BICD1: variants seen among roughly 807,000 people sequenced by gnomAD.
BICD1 encodes the protein protein bicaudal D homolog 1.
BICD1 carries 35 observed loss-of-function variants against 92.5 expected under a neutral mutation model. The ratio of observed to expected loss-of-function variants is 0.38; its 90% CI spans 0.29 to 0.50. BICD1 has a LOEUF of 0.50. Ranked by LOEUF, BICD1 falls within the 20% of genes least tolerant of loss-of-function variation. The pLI, the probability that BICD1 is intolerant of heterozygous loss-of-function variation, is 0.93. For missense variants in BICD1, 950 were observed against 1,189.8 expected (o/e 0.80, Z 2.97); for synonymous variants, 429 against 465.1 (o/e 0.92, Z 1.00).
intron 1 of BICD1, among the ~76,000 whole-genome samples, chr12:32,139,440 A>C (rs568668909): frequency 8.5e-5 from 13 of 152,168 alleles, no homozygotes; most frequent in Non-Finnish European, 1.9e-4. Flanking sequence ...CCATGTCCCT[A>C]AACTAGATAA....
At chr12:32,323,481 G>T (rs1948704723) in intron 4 of BICD1, among the ~76,000 whole-genome samples, 1 of 152,188 alleles carries the variant, frequency 6.6e-6, no homozygotes, top group Non-Finnish European at 1.5e-5. Flanking sequence ...CTTTCTCAGA[G>T]TCACATAGCT....
At chr12:32,224,587 A>G (rs983589265) in intron 2 of BICD1, among the ~76,000 whole-genome samples, 1 of 152,260 alleles carries the variant, frequency 6.6e-6, no homozygotes, top group African/African-American at 2.4e-5. Flanking sequence ...TCATTTTTGA[A>G]TAATTGTGAT....
chr12:32,142,571 T>C (rs1251513293), intron 1 of BICD1, among the ~76,000 whole-genome samples: 1 of 152,070 alleles, frequency 6.6e-6, no homozygotes, highest in African/African-American at 2.4e-5. Context: ...AGCATGATTG[T>C]TTTTCTATAA....
Position 32,328,217 on chromosome 12 carries a change from G to A in BICD1, c.1762G>A (p.Ala588Thr). ...ACCAGTTGCAAAAGAAAGCACAGAG[G>A]CCAGCAAAGAACCAAGTCCAACTAA... ...SEPVAKESTE[A>T]SKEPSPTKTP... The change falls in exon 5 of 10, where the codon GCC (alanine) becomes ACC (threonine). Residue 588 changes from alanine to threonine, a missense_variant. Ala to Thr is a moderately conservative substitution (Grantham distance 58, BLOSUM62 0). This residue lies in a region of BICD1 where 309 missense variants were observed against 499.4 expected (regional missense o/e 0.62). Coordinates refer to ENST00000652176, the MANE Select transcript of BICD1 (RefSeq NM_001714.4). This position sits in a 1 kb window ranked among gnomAD's most constrained non-coding sequence, Gnocchi z 4.4. 1 of 1,614,110 alleles carries A rather than the reference G, an allele frequency of 6.2e-7. No homozygotes were observed. Among genetic ancestry groups the A allele is most frequent in the South Asian group, 1.1e-5 (1 of 91,076 alleles).
intron 2 of BICD1, among the ~76,000 whole-genome samples, chr12:32,276,205 C>T (rs1947272482): frequency 6.6e-6 from 1 of 152,148 alleles, no homozygotes; most frequent in South Asian, 2.1e-4. Context: ...GCCCATGCTC[C>T]AATGTTAATG....
In BICD1 at chr12:32,337,622, G is replaced by A. The variant is rs1416989142; in HGVS notation, c.2376G>A (p.Gln792=). The change falls in exon 7 of 10, where the codon CAG becomes CAA. Residue 792 remains glutamine, a synonymous_variant. Coordinates refer to ENST00000652176, the MANE Select transcript of BICD1 (RefSeq NM_001714.4). This position sits in a 1 kb window ranked among gnomAD's most constrained non-coding sequence, Gnocchi z 4.7. ...MAIQQKLALT[Q]RLEDLEFDHE... ...TCCAGCAAAAACTCGCCCTGACCCA[G>A]AGGCTGGAGGACTTAGAGTTTGACC... is the stretch of plus-strand genomic sequence containing the variant. 6.2e-7 allele frequency: 1 copy of A among 1,614,186 alleles called. No individual in the cohort carries two copies. The highest frequency in any genetic ancestry group is 1.1e-5 in the South Asian group (1 of 91,084).
At chr12:32,145,364 G>A (rs1005974014) in intron 1 of BICD1, among the ~76,000 whole-genome samples, 5 of 152,196 alleles carry the variant, frequency 3.3e-5, no homozygotes, top group Admixed American at 6.5e-5. Flanking sequence ...CATTGTGGCT[G>A]TCAAAATCCT....
chr12:32,342,136 A>G (rs889187393), intron 8 of BICD1, among the ~76,000 whole-genome samples: 7 of 139,786 alleles, frequency 5.0e-5, no homozygotes, highest in African/African-American at 1.0e-4. Context: ...GTATATATAT[A>G]TGTGTGTATA....
intron 1 of BICD1, among the ~76,000 whole-genome samples, chr12:32,215,095 G>A (rs1258465078): frequency 6.6e-6 from 1 of 152,156 alleles, no homozygotes. Context: ...TGGGCATGGT[G>A]ATGGGCGTCT....
intron 3 of BICD1, among the ~76,000 whole-genome samples, chr12:32,295,490 TTAGAA>T (rs1947842728): frequency 6.6e-6 from 1 of 152,076 alleles, no homozygotes; most frequent in Non-Finnish European, 1.5e-5. Context: ...CTCTGTAAAC[TTAGAA>T]GCCAGCCCAG....
chr12:32,253,496 T>A (rs1016134911), intron 2 of BICD1, among the ~76,000 whole-genome samples: 1 of 152,176 alleles, frequency 6.6e-6, no homozygotes, highest in South Asian at 2.1e-4. Flanking sequence ...GATTCTTTTT[T>A]TTTTTATTTT....
Position 32,221,903 on chromosome 12 carries a change from T to C in BICD1, c.426+5444T>C, listed in dbSNP as rs76758337. Among the ~76,000 whole-genome samples the C allele has an allele frequency of 2.8e-4, 43 of 152,274 alleles. 1 individual carries two copies. In the East Asian group the frequency reaches 7.7e-3, roughly 27 times the overall value. Reference sequence around the variant, plus strand: ...AAAGCAGATTGCTATAGGATTTAAATAGATATTTAGTAAACAAGTTTGAAT... The same window carrying C: ...AAAGCAGATTGCTATAGGATTTAAACAGATATTTAGTAAACAAGTTTGAAT... On this transcript the variant is annotated intron_variant, in intron 2 of 9. Transcript: ENST00000652176.
At position 32,128,720 on chromosome 12, in the gene BICD1, T is replaced by C. The variant is rs143420251; in HGVS notation, c.213+21176T>C. 2.0e-5 allele frequency among the ~76,000 whole-genome samples: 3 copies of C among 152,280 alleles called. No individual in the cohort carries two copies. In the East Asian group the frequency reaches 5.8e-4, roughly 29 times the overall value. ...CTTGAGTTTTTTTCCTGTCATAATA[T>C]ATCAATATGAGAAATGTATTGTTAC... On this transcript the variant is annotated intron_variant, in intron 1 of 9. Transcript: ENST00000652176.
chr12:32,183,235 A>G (rs1944330490), intron 1 of BICD1, among the ~76,000 whole-genome samples: 1 of 146,752 alleles, frequency 6.8e-6, no homozygotes, highest in Non-Finnish European at 1.5e-5. Context: ...GTGTTTCTAC[A>G]GGCTTTTAGG....
At chr12:32,150,098 TACTC>T (rs372998505) in intron 1 of BICD1, among the ~76,000 whole-genome samples, 25 of 152,148 alleles carry the variant, frequency 1.6e-4, no homozygotes, top group African/African-American at 5.3e-4. Flanking sequence ...TCATGAGACT[TACTC>T]ACTATCATGA....
chr12:32,369,562 C>T (rs1057427020), intron 9 of BICD1, among the ~76,000 whole-genome samples: 3 of 152,248 alleles, frequency 2.0e-5, no homozygotes, highest in Non-Finnish European at 4.4e-5. Flanking sequence ...GGTTGTGCAG[C>T]CAGCTGTATC....
In BICD1 at chr12:32,368,006, T is replaced by C. The variant is rs1939589674; in HGVS notation, c.2840+261T>C. 7 of 392,828 alleles carry C rather than the reference T, an allele frequency of 1.8e-5. 1 individual carries two copies. In the Admixed American group the frequency reaches 2.3e-4, roughly 13 times the overall value. 24.3% of individuals were successfully genotyped at this position (392,828 alleles called of 1,614,324 possible). A position where few individuals can be genotyped will look rare whatever the true frequency, so the allele number is the denominator to read the frequency against. On this transcript the variant is annotated intron_variant, in intron 9 of 9. Coordinates refer to ENST00000652176, the MANE Select transcript of BICD1 (RefSeq NM_001714.4). The stretch of plus-strand genomic sequence containing the variant: ...TCAGCCCCTTTGTCTGTGTAAATAC[T>C]TGGATTAGTCCACTGTTTCATTCCT...
intron 1 of BICD1, among the ~76,000 whole-genome samples, chr12:32,117,996 C>T (rs935447397): frequency 6.6e-6 from 1 of 151,530 alleles, no homozygotes; most frequent in African/African-American, 2.4e-5. Flanking sequence ...GTGATCTGCT[C>T]GCCTCGGCCT....
At chr12:32,376,876 A>AGGG (rs36065954) in intron 9 of BICD1, among the ~76,000 whole-genome samples, 2 of 64,366 alleles carry the variant, frequency 3.1e-5, no homozygotes, top group South Asian at 4.8e-4. Flanking sequence ...TAAAAAAAAA[A>AGGG]GGGGGGGGGG....
Sources: gnomAD v4.1 joint callset for allele counts (sites outside exome capture counted in the v4.1 genomes callset) on GRCh38, gnomAD v4.1.1 for gene constraint, gnomAD v4.1.1 regional missense constraint, Gnocchi (gnomAD v3.1) non-coding constraint, MANE v1.5 for transcripts, NCBI Gene and HGNC (gene_info 2026-07-23, HGNC 2026-07-21) for gene names.